The following DGKG variants were observed in gnomAD, a reference collection of about 807,000 sequenced individuals.
DGKG encodes the protein DAG kinase gamma.
Under a neutral mutation model 105.3 loss-of-function variants are expected in DGKG, and 78 were observed. The ratio of observed to expected loss-of-function variants is 0.74; its 90% CI spans 0.62 to 0.89. The LOEUF (loss-of-function observed/expected upper bound fraction) is 0.89. DGKG is among the 40% of genes least tolerant of loss of function. The pLI is 0.00. For missense variants in DGKG, 958 were observed against 1,020.1 expected, an observed-to-expected ratio of 0.94 and a Z score of 0.83; for synonymous variants, 346 against 367.1, an observed-to-expected ratio of 0.94 and a Z score of 0.66.
chr3:186,243,644 C>T (rs558993179), intron 19 of DGKG, among the ~76,000 whole-genome samples: 1 of 152,238 alleles, frequency 6.6e-6, no homozygotes, highest in East Asian at 1.9e-4. Flanking sequence ...TGTGTAACGC[C>T]CCTTCACCGC....
At chr3:186,293,397 A>G (rs13073050) in intron 5 of DGKG, among the ~76,000 whole-genome samples, 43,609 of 152,112 alleles carry the variant, frequency 0.29, 6,611 homozygotes, top group Non-Finnish European at 0.34. Flanking sequence ...ACTAACACAA[A>G]ATACTGGGGG....
intron 21 of DGKG, among the ~76,000 whole-genome samples, chr3:186,196,473 T>C (rs1359863583): frequency 6.6e-6 from 1 of 152,148 alleles, no homozygotes; most frequent in Non-Finnish European, 1.5e-5. Flanking sequence ...TCTCATGGAA[T>C]CAAAGACCTG....
chr3:186,277,841 C>A (rs1161658873), intron 9 of DGKG, among the ~76,000 whole-genome samples: 4 of 152,108 alleles, frequency 2.6e-5, no homozygotes, highest in African/African-American at 9.7e-5. Flanking sequence ...ATATCTCATT[C>A]AGTGATTCCC....
At chr3:186,202,639 T>C (rs1718528182) in intron 21 of DGKG, among the ~76,000 whole-genome samples, 1 of 152,218 alleles carries the variant, frequency 6.6e-6, no homozygotes, top group South Asian at 2.1e-4. Flanking sequence ...GGAAAGTTAT[T>C]CTTTTAGTAA....
At chr3:186,168,242 G>A (rs964636820) in intron 22 of DGKG, among the ~76,000 whole-genome samples, 9 of 152,204 alleles carry the variant, frequency 5.9e-5, no homozygotes, top group Non-Finnish European at 1.2e-4. Flanking sequence ...CAGAGCTAGA[G>A]GAAGAGGGTC....
intron 5 of DGKG, among the ~76,000 whole-genome samples, chr3:186,293,003 A>G (rs1483553902): frequency 1.3e-5 from 2 of 152,132 alleles, no homozygotes; most frequent in Non-Finnish European, 2.9e-5. Context: ...TCAGAGTAAA[A>G]CTAGAAGAGG....
intron 21 of DGKG, among the ~76,000 whole-genome samples, chr3:186,208,004 C>A (rs139323061): frequency 6.6e-6 from 1 of 152,136 alleles, no homozygotes; most frequent in Non-Finnish European, 1.5e-5. Context: ...TCAGAGAAAT[C>A]GCCTGTATAT....
rs774330492 is a variant in DGKG at position 186,210,816 on chromosome 3, G to C, written c.1917+979C>G. On this transcript the variant is annotated intron_variant, in intron 21 of 24. Coordinates refer to ENST00000265022, the MANE Select transcript of DGKG (RefSeq NM_001346.3). The surrounding 1 kb of genome is among the most constrained non-coding windows in gnomAD (Gnocchi z 5.2). ...TGCCTCTTCCACTTATTTTCCTCAA[G>C]TGAAAAGAAGACTACGGGCCTAAAT... 6 of 339,440 alleles carry C rather than the reference G, an allele frequency of 1.8e-5. No individual in the cohort carries two copies. The highest frequency in any genetic ancestry group is 3.5e-5 in the Non-Finnish European group (6 of 171,624). 21.0% of individuals were successfully genotyped at this position (339,440 alleles called of 1,614,324 possible).
At chr3:186,254,076 A>G (rs1721347295) in intron 17 of DGKG, among the ~76,000 whole-genome samples, 1 of 152,188 alleles carries the variant, frequency 6.6e-6, no homozygotes, top group African/African-American at 2.4e-5. Context: ...ACATGTTTTC[A>G]TCTGGCCTCA....
chr3:186,297,859 G>A (rs1274860280), intron 4 of DGKG, among the ~76,000 whole-genome samples: 1 of 152,134 alleles, frequency 6.6e-6, no homozygotes, highest in Non-Finnish European at 1.5e-5. Context: ...CAGGAATTAT[G>A]CCTCCTGTTT....
At chr3:186,307,063 T>G (rs1724280167) in intron 2 of DGKG, 86 bp from the exon 3 acceptor site, 7 of 918,398 alleles carry the variant, frequency 7.6e-6, no homozygotes, top group Non-Finnish European at 1.3e-5. Flanking sequence ...TAACCATGTT[T>G]ATGTTGGAGC....
intron 1 of DGKG, among the ~76,000 whole-genome samples, chr3:186,347,408 C>G (rs1440015881): frequency 7.0e-6 from 1 of 141,912 alleles, no homozygotes; most frequent in Non-Finnish European, 1.5e-5. Context: ...AGACCACAGC[C>G]GCTGCACTCC....
At chr3:186,253,204 A>G in intron 17 of DGKG, 22 bp from the exon 18 acceptor site, 2 of 1,590,774 alleles carry the variant, frequency 1.3e-6, no homozygotes, top group South Asian at 2.2e-5. Flanking sequence ...ACAGAGGAAC[A>G]GAGAACCATA....
At chr3:186,316,961 A>G (rs749704627) in intron 2 of DGKG, among the ~76,000 whole-genome samples, 2 of 152,228 alleles carry the variant, frequency 1.3e-5, no homozygotes, top group Non-Finnish European at 2.9e-5. Context: ...TAAGAATTGT[A>G]TCTTTTTTTC....
At position 186,148,149 on chromosome 3, in the gene DGKG, A is replaced by G. The variant is rs1297228960; in HGVS notation, c.*1941T>C. 28 of 985,368 alleles carry G rather than the reference A, an allele frequency of 2.8e-5. No individual in the cohort carries two copies. In the South Asian group the frequency reaches 4.7e-4, roughly 17 times the overall value. The allele number at this position is 985,368 out of a possible 1,614,324, so 61.0% of individuals were successfully genotyped here. On this transcript the variant is annotated 3_prime_UTR_variant, in exon 25 of 25. Coordinates refer to ENST00000265022, the MANE Select transcript of DGKG (RefSeq NM_001346.3). ...AATCTCAGAGAGGGATGGAGGCCCA[A>G]TGAAGCTCTGCATGGCCTTGCCCTT... is the stretch of plus-strand genomic sequence containing the variant.
chr3:186,166,444 G>A (rs572436762), intron 22 of DGKG, among the ~76,000 whole-genome samples: 4 of 152,342 alleles, frequency 2.6e-5, no homozygotes, highest in African/African-American at 9.6e-5. Context: ...CCAGGAAAGG[G>A]TAATGTTTGT....
intron 2 of DGKG, among the ~76,000 whole-genome samples, chr3:186,315,326 A>C (rs3819852): frequency 6.6e-6 from 1 of 151,458 alleles, no homozygotes; most frequent in Non-Finnish European, 1.5e-5. Flanking sequence ...AAAATTAACT[A>C]CACACCTCTT....
chr3:186,257,787 G>A (rs1721554875), intron 17 of DGKG, 67 bp downstream of exon 17: 1 of 1,229,926 alleles, frequency 8.1e-7, no homozygotes, highest in African/African-American at 1.5e-5. Context: ...CTTTTTTATT[G>A]CCTTCTGCTG....
intron 1 of DGKG, among the ~76,000 whole-genome samples, chr3:186,332,126 T>G (rs1410644782): frequency 6.6e-6 from 1 of 152,108 alleles, no homozygotes; most frequent in Admixed American, 6.6e-5. Context: ...CACGCCCTGG[T>G]CCTCAACATG....
Sources: gnomAD v4.1 joint callset for allele counts (sites outside exome capture counted in the v4.1 genomes callset) on GRCh38, gnomAD v4.1.1 for gene constraint, Gnocchi (gnomAD v3.1) non-coding constraint, MANE v1.5 for transcripts, NCBI Gene and HGNC (gene_info 2026-07-23, HGNC 2026-07-21) for gene names.